The following VPS36 variants were observed in gnomAD, a reference collection of about 807,000 sequenced individuals.
VPS36 encodes the protein vacuolar protein sorting 36 homolog, also known as vacuolar protein-sorting-associated protein 36.
A neutral mutation model predicts 63.5 loss-of-function variants in VPS36; 31 were observed. The ratio of observed to expected loss-of-function variants is 0.49; its 90% CI spans 0.37 to 0.66. VPS36 has a LOEUF of 0.66. VPS36 is among the 30% of genes least tolerant of loss of function. VPS36 has a pLI of 0.00. For missense variants in VPS36, 338 were observed against 463.7 expected (o/e 0.73, Z 2.49); for synonymous variants, 138 against 157.2 (o/e 0.88, Z 0.91).
At chr13:52,431,077 A>G (rs1287117119) in intron 6 of VPS36, among the ~76,000 whole-genome samples, 1 of 151,976 alleles carries the variant, frequency 6.6e-6, no homozygotes, top group Non-Finnish European at 1.5e-5. Context: ...TCAGACAACC[A>G]AAGCGACCAC....
chr13:52,431,078 A>G (rs1958150296), intron 6 of VPS36, among the ~76,000 whole-genome samples: 1 of 149,782 alleles, frequency 6.7e-6, no homozygotes, highest in Admixed American at 6.6e-5. Flanking sequence ...CAGACAACCA[A>G]AGCGACCACA....
rs1256679976 is a variant in VPS36 at position 52,414,921 on chromosome 13, G to T, written c.*909C>A. 1 of 152,094 alleles carries T rather than the reference G, an allele frequency of 6.6e-6. No individual in the cohort carries two copies. Among genetic ancestry groups the T allele is most frequent in the Non-Finnish European group, 1.5e-5 (1 of 68,006 alleles). 9.4% of individuals were successfully genotyped at this position (152,094 alleles called of 1,614,324 possible). On this transcript the variant is annotated 3_prime_UTR_variant, in exon 14 of 14. Transcript: ENST00000378060. ...TTTTCCACACAACTTACAACATAAA[G>T]GACAAAGAAAAAATATTGCTGGAAT...
intron 6 of VPS36, among the ~76,000 whole-genome samples, 182 bp from the exon 7 acceptor site, chr13:52,427,401 C>A (rs984943804): frequency 6.6e-6 from 1 of 152,142 alleles, no homozygotes; most frequent in Non-Finnish European, 1.5e-5. Flanking sequence ...GTCAGGAGAT[C>A]GAGACCATCC....
chr13:52,425,179 G>A (rs1727492669), intron 9 of VPS36, among the ~76,000 whole-genome samples: 1 of 150,914 alleles, frequency 6.6e-6, no homozygotes, highest in African/African-American at 2.4e-5. Flanking sequence ...TGTGAACCTG[G>A]GAGGCGGAGC....
chr13:52,415,655 C>A lies in VPS36; in HGVS notation c.*175G>T, dbSNP rs546887961. The A allele has an allele frequency of 3.9e-5, 26 of 661,110 alleles. No homozygotes were observed. The highest frequency in any genetic ancestry group is 5.5e-5 in the Non-Finnish European group (21 of 380,842). The allele number at this position is 661,110 out of a possible 1,614,324, so 41.0% of individuals were successfully genotyped here. On this transcript the variant is annotated 3_prime_UTR_variant, in exon 14 of 14. Transcript: ENST00000378060. ...ATTCACTTTTCTGAATTTTCCTATG[C>A]GTATACTAAATAAATTTCCTGGACC...
At chr13:52,421,074 T>G (rs888551059) in intron 10 of VPS36, among the ~76,000 whole-genome samples, 1 of 152,190 alleles carries the variant, frequency 6.6e-6, no homozygotes, top group Non-Finnish European at 1.5e-5. Flanking sequence ...TGAGCCAAGG[T>G]TGTGCCACTG....
chr13:52,439,590 T>C (rs888089727), intron 2 of VPS36, among the ~76,000 whole-genome samples: 5 of 151,866 alleles, frequency 3.3e-5, no homozygotes, highest in Non-Finnish European at 7.4e-5. Flanking sequence ...GGACTACAGG[T>C]GCCCGCCACC....
chr13:52,436,526 A>C, intron 3 of VPS36, 122 bp from the exon 4 acceptor site: 1 of 702,624 alleles, frequency 1.4e-6, no homozygotes. Context: ...CAAACATCCC[A>C]AAAAGCATCC....
At chr13:52,419,604 AAATAG>A (rs1338047930) in intron 10 of VPS36, among the ~76,000 whole-genome samples, 1 of 152,204 alleles carries the variant, frequency 6.6e-6, no homozygotes, top group Admixed American at 6.5e-5. Context: ...AAAAAACTGT[AAATAG>A]AACTATCACA....
intron 1 of VPS36, chr13:52,450,114 G>A (rs1356512311): frequency 2.0e-6 from 2 of 992,492 alleles, no homozygotes; most frequent in African/African-American, 1.7e-5. Flanking sequence ...TGTCGTCAGG[G>A]GGTCTGGAAC....
At chr13:52,442,248 G>T in intron 2 of VPS36, 129 bp downstream of exon 2, 1 of 676,024 alleles carries the variant, frequency 1.5e-6, no homozygotes, top group Non-Finnish European at 2.2e-6. Flanking sequence ...CTACTCGGGA[G>T]GTTGAGGCCA....
At chr13:52,436,192 T>C in intron 4 of VPS36, 98 bp downstream of exon 4, 3 of 752,968 alleles carry the variant, frequency 4.0e-6, no homozygotes, top group Non-Finnish European at 6.4e-6. Flanking sequence ...TGTATAATAC[T>C]ACCTTCCATC....
intron 6 of VPS36, among the ~76,000 whole-genome samples, chr13:52,430,262 C>A (rs1407947192): frequency 6.6e-6 from 1 of 152,058 alleles, no homozygotes; most frequent in Non-Finnish European, 1.5e-5. Context: ...ATTAGAGTCA[C>A]AAATTGTGAA....
At chr13:52,422,650 G>A (rs1053041393) in intron 10 of VPS36, among the ~76,000 whole-genome samples, 7 of 152,166 alleles carry the variant, frequency 4.6e-5, no homozygotes, top group African/African-American at 1.7e-4. Flanking sequence ...GAGAATATGG[G>A]TATTTGGCTT....
chr13:52,421,222 A>G (rs993469204), intron 10 of VPS36, among the ~76,000 whole-genome samples: 3 of 152,320 alleles, frequency 2.0e-5, no homozygotes, highest in Non-Finnish European at 2.9e-5. Flanking sequence ...TTGCAGCAAC[A>G]TGGATGAACC....
chr13:52,423,957 A>G (rs1958071238), intron 9 of VPS36, among the ~76,000 whole-genome samples: 1 of 152,112 alleles, frequency 6.6e-6, no homozygotes, highest in South Asian at 2.1e-4. Flanking sequence ...TCCCGGGTTC[A>G]AGCAATTCTC....
intron 4 of VPS36, 80 bp downstream of exon 4, chr13:52,436,210 C>G (rs1199662560): frequency 1.4e-6 from 1 of 700,354 alleles, no homozygotes; most frequent in Non-Finnish European, 2.2e-6. Context: ...ATCATATTAA[C>G]AAGCCACAAC....
chr13:52,446,287 T>C (rs1594126028), intron 1 of VPS36, among the ~76,000 whole-genome samples: 1 of 149,992 alleles, frequency 6.7e-6, no homozygotes, highest in Non-Finnish European at 1.5e-5. Flanking sequence ...AAAAAGTACA[T>C]AATGCTGCAT....
rs148583018 is a variant in VPS36 at position 52,440,187 on chromosome 13, G to A, written c.166-1019C>T. On this transcript the variant is annotated intron_variant, in intron 2 of 13. Coordinates refer to ENST00000378060, the MANE Select transcript of VPS36 (RefSeq NM_016075.4). ...AGAGAAGGACTTTCACCATGTTGGC[G>A]AGGCTAGTCTCGAACTCCTGACCTC... Among the ~76,000 whole-genome samples, 6 of 151,638 alleles carry A rather than the reference G, an allele frequency of 4.0e-5. No individual in the cohort carries two copies. In the East Asian group the frequency reaches 5.8e-4, roughly 15 times the overall value.
Sources: gnomAD v4.1 joint callset for allele counts (sites outside exome capture counted in the v4.1 genomes callset) on GRCh38, gnomAD v4.1.1 for gene constraint, MANE v1.5 for transcripts, NCBI Gene and HGNC (gene_info 2026-07-23, HGNC 2026-07-21) for gene names.